The following AP3D1 variants were observed in gnomAD, a reference collection of about 807,000 sequenced individuals.
AP3D1 encodes AP-3 complex subunit delta-1.
In AP3D1, 51 loss-of-function variants were observed where a neutral mutation model predicts 147.6. That is an observed-to-expected ratio of 0.35 (90% confidence interval 0.28 to 0.44). The LOEUF (loss-of-function observed/expected upper bound fraction) is 0.44. Ranked by LOEUF, AP3D1 falls within the 20% of genes least tolerant of loss-of-function variation. AP3D1 has a pLI of 1.00. For missense variants in AP3D1, 1,421 were observed against 1,624.2 expected (o/e 0.87, Z 2.15); for synonymous variants, 760 against 663.0 (o/e 1.15, Z -2.25).
chr19:2,130,371 C>G, intron 6 of AP3D1, 37 bp downstream of exon 6: 1 of 1,612,770 alleles, frequency 6.2e-7, no homozygotes, highest in Admixed American at 1.7e-5. Context: ...GCTGAGCCCC[C>G]ACCCTCAACC....
chr19:2,149,985 G>A (rs1313452547), intron 1 of AP3D1, among the ~76,000 whole-genome samples: 2 of 152,238 alleles, frequency 1.3e-5, no homozygotes, highest in South Asian at 4.1e-4. Flanking sequence ...CTGAGATGAA[G>A]AAAACCAAGG....
intron 1 of AP3D1, among the ~76,000 whole-genome samples, chr19:2,160,681 G>C (rs1363098505): frequency 6.6e-6 from 1 of 152,160 alleles, no homozygotes; most frequent in Admixed American, 6.5e-5. Flanking sequence ...CCTGTACTCA[G>C]TGATCCTGAG....
chr19:2,148,307 C>T (rs1235340503), intron 1 of AP3D1, among the ~76,000 whole-genome samples: 2 of 152,210 alleles, frequency 1.3e-5, no homozygotes, highest in African/African-American at 4.8e-5. Context: ...GACACATACA[C>T]ATGAGACCAC....
chr19:2,125,224 G>A (rs777756932), intron 9 of AP3D1, among the ~76,000 whole-genome samples: 3 of 152,186 alleles, frequency 2.0e-5, no homozygotes, highest in East Asian at 1.9e-4. Context: ...AAATACGAAC[G>A]AAGAAATGTG....
In AP3D1 at chr19:2,162,282, C is replaced by T. The variant is rs1278583040; in HGVS notation, c.-103+2074G>A. Among the ~76,000 whole-genome samples the T allele has an allele frequency of 2.7e-5, 4 of 149,624 alleles. No individual in the cohort carries two copies. In the East Asian group the frequency reaches 6.2e-4, roughly 23 times the overall value. The stretch of plus-strand genomic sequence containing the variant: ...CGATCTCCTGACCTCGTGATCCACC[C>T]GCCTCGGCCTCCCAAAGTGTTGGGA... On this transcript the variant is annotated intron_variant, in intron 1 of 14. Transcript: ENST00000643010.
intron 1 of AP3D1, among the ~76,000 whole-genome samples, chr19:2,141,119 A>C (rs1011568767): frequency 6.6e-6 from 1 of 152,136 alleles, no homozygotes; most frequent in Admixed American, 6.6e-5. Flanking sequence ...CCAAAAGATT[A>C]TATTATAAAC....
intron 29 of AP3D1, 71 bp downstream of exon 29, chr19:2,109,802 C>T: frequency 7.0e-7 from 1 of 1,433,454 alleles, no homozygotes; most frequent in Non-Finnish European, 9.8e-7. Context: ...GTCCCCGGGG[C>T]ACAGGTGTCT....
At chr19:2,162,033 G>GT (rs1186533323) in intron 1 of AP3D1, among the ~76,000 whole-genome samples, 1,868 of 130,672 alleles carry the variant, frequency 0.014, 26 homozygotes, top group African/African-American at 0.018. Flanking sequence ...AGCCCATTGA[G>GT]TTTTTTTTTT....
chr19:2,138,174 C>T (rs536508294), intron 2 of AP3D1, among the ~76,000 whole-genome samples: 2 of 152,320 alleles, frequency 1.3e-5, no homozygotes, highest in East Asian at 3.9e-4. Context: ...TTGTCTCGTC[C>T]TCCCACGGGG....
At chr19:2,149,684 C>T (rs2019454546) in intron 1 of AP3D1, among the ~76,000 whole-genome samples, 1 of 152,134 alleles carries the variant, frequency 6.6e-6, no homozygotes, top group Non-Finnish European at 1.5e-5. Flanking sequence ...GGCACATCCC[C>T]CTGAAAACCA....
At chr19:2,130,624 G>T in intron 5 of AP3D1, 87 bp from the exon 6 acceptor site, 1 of 1,577,178 alleles carries the variant, frequency 6.3e-7, no homozygotes, top group Non-Finnish European at 8.6e-7. Flanking sequence ...CCACAGAGAG[G>T]AGATGCCCTC....
intron 1 of AP3D1, among the ~76,000 whole-genome samples, chr19:2,150,165 C>G (rs1413547822): frequency 6.6e-6 from 1 of 152,236 alleles, no homozygotes; most frequent in Non-Finnish European, 1.5e-5. Context: ...AAGCAAGTCC[C>G]TTAACTTCCC....
chr19:2,151,071 G>A (rs1434785076), intron 1 of AP3D1, among the ~76,000 whole-genome samples, 168 bp downstream of exon 1: 1 of 152,260 alleles, frequency 6.6e-6, no homozygotes, highest in Non-Finnish European at 1.5e-5. Flanking sequence ...GACCGAGGAG[G>A]TGGGCGGCGC....
At chr19:2,159,678 G>A (rs1229287123) in intron 1 of AP3D1, among the ~76,000 whole-genome samples, 1 of 149,634 alleles carries the variant, frequency 6.7e-6, no homozygotes, top group Admixed American at 6.7e-5. Context: ...GTGAGCCACC[G>A]TGCCCGGCCG....
chr19:2,136,295 C>T (rs2019075601), intron 4 of AP3D1, among the ~76,000 whole-genome samples: 1 of 152,204 alleles, frequency 6.6e-6, no homozygotes, highest in Non-Finnish European at 1.5e-5. Context: ...GTGCTGGGAG[C>T]CCCCAGCCCA....
intron 26 of AP3D1, 73 bp downstream of exon 26, chr19:2,111,212 C>A: frequency 6.3e-7 from 1 of 1,577,682 alleles, no homozygotes; most frequent in South Asian, 1.1e-5. Context: ...TGGGGGCTGC[C>A]CGGGTTCCGC....
Position 2,118,794 on chromosome 19 carries a change from A to G in AP3D1, c.1520T>C (p.Leu507Pro). 1 of 1,613,744 alleles carries G rather than the reference A, an allele frequency of 6.2e-7. No individual in the cohort carries two copies. Among genetic ancestry groups the G allele is most frequent in the Non-Finnish European group, 8.5e-7 (1 of 1,180,006 alleles). Residue 507 changes from leucine (L) to proline (P), a missense_variant, in exon 15 of 32, where the codon CTG (leucine) becomes CCG (proline). Around this residue, in one of 6 missense-constraint regions of AP3D1, gnomAD observed 310 missense variants for 388.1 expected, o/e 0.80. Transcript: ENST00000643116. ...TGGCAGCGTGGTGACTCTGGGCCGC[A>G]GCATGGCCTCCAAAGTGTGGTGTGG... Reference protein sequence around the residue: ...QEPHHTLEAMLRPRVTTLPGH... With the variant: ...QEPHHTLEAMPRPRVTTLPGH...
At chr19:2,120,214 G>A (rs1362029036) in intron 14 of AP3D1, among the ~76,000 whole-genome samples, 1 of 152,224 alleles carries the variant, frequency 6.6e-6, no homozygotes, top group African/African-American at 2.4e-5. Context: ...AGAACCGTGA[G>A]TCTCAGCAAC....
intron 9 of AP3D1, among the ~76,000 whole-genome samples, chr19:2,125,647 T>C (rs1357435861): frequency 2.0e-5 from 3 of 152,082 alleles, no homozygotes; most frequent in South Asian, 2.1e-4. Flanking sequence ...TAAAAGTAGA[T>C]GGTAATTTTT....
Sources: gnomAD v4.1 joint callset for allele counts (sites outside exome capture counted in the v4.1 genomes callset) on GRCh38, gnomAD v4.1.1 for gene constraint, gnomAD v4.1.1 regional missense constraint, MANE v1.5 for transcripts, NCBI Gene and HGNC (gene_info 2026-07-23, HGNC 2026-07-21) for gene names.